The following DNAI2 variants were observed in gnomAD, a reference collection of about 807,000 sequenced individuals.
The protein encoded by DNAI2 is dynein, axonemal, intermediate polypeptide 2.
A neutral mutation model predicts 74.7 loss-of-function variants in DNAI2; 63 were observed. That is an observed-to-expected ratio of 0.84 (90% CI 0.69 to 1.04). The LOEUF is 1.04. Among genes scored for constraint, DNAI2 ranks in the 50% least tolerant of loss-of-function variants. The pLI is 0.00. For missense variants in DNAI2, 688 were observed against 803.2 expected (o/e 0.86, Z 1.73); for synonymous variants, 289 against 314.9 (o/e 0.92, Z 0.87).
rs1598342058 is a variant in DNAI2, at chr17:74,309,922, G to T, written c.1348-95G>T. ...GGCGTCCTGAGGATGTTTGAATAGG[G>T]CCAAGTGGCTGAGCCTCCCCAGGGG... On this transcript the variant is annotated intron_variant, in intron 10 of 13. Transcript: ENST00000311014. The T allele has an allele frequency of 3.9e-6, 6 of 1,541,072 alleles. No homozygotes were observed. The East Asian group carries it at 1.3e-4, about 35-fold the overall frequency.
chr17:74,301,776 C>T (rs1348848675), intron 8 of DNAI2, among the ~76,000 whole-genome samples: 1 of 145,074 alleles, frequency 6.9e-6, no homozygotes, highest in African/African-American at 2.6e-5. Flanking sequence ...TAATGAGACC[C>T]CCCCCACCGC....
rs769486647 is a variant in DNAI2 at position 74,285,234 on chromosome 17, C to A, written c.345+33C>A. 3.2e-5 allele frequency: 51 copies of A among 1,609,102 alleles called. 1 individual carries two copies. The highest frequency in any genetic ancestry group is 2.9e-4 in the Admixed American group (17 of 59,200). On this transcript the variant is annotated intron_variant, in intron 3 of 13. Transcript: ENST00000311014. Reference sequence around the variant, plus strand: ...TTCCTCCTGCCCCAGCTGCAAGAGCCCCATCCATCACTGCAGCTCCCCAAG... The same window carrying A: ...TTCCTCCTGCCCCAGCTGCAAGAGCACCATCCATCACTGCAGCTCCCCAAG...
intron 9 of DNAI2, among the ~76,000 whole-genome samples, chr17:74,307,841 A>G (rs2053277127): frequency 1.3e-5 from 2 of 151,818 alleles, no homozygotes; most frequent in South Asian, 4.2e-4. Context: ...TTTGTTGCCC[A>G]GGCTGGAGTG....
At chr17:74,285,593 A>T (rs538099077) in intron 3 of DNAI2, among the ~76,000 whole-genome samples, 2,116 of 43,750 alleles carry the variant, frequency 0.048, 19 homozygotes, top group Non-Finnish European at 0.11. Flanking sequence ...TTGCCAGTGC[A>T]AAAAAAAAAA....
intron 4 of DNAI2, among the ~76,000 whole-genome samples, chr17:74,287,537 C>T (rs1338966340): frequency 6.6e-6 from 1 of 152,104 alleles, no homozygotes; most frequent in Non-Finnish European, 1.5e-5. Context: ...TCACCGCAGG[C>T]GTGGATATTC....
Position 74,309,422 on chromosome 17 carries a change from C to G in DNAI2, c.1347+34C>G, listed in dbSNP as rs764446872. 4 of 1,613,768 alleles carry G rather than the reference C, an allele frequency of 2.5e-6. No homozygotes were observed. The African/African-American group carries it at 5.3e-5, about 22-fold the overall frequency. On this transcript the variant is annotated intron_variant, in intron 10 of 13. Coordinates refer to ENST00000311014, the MANE Select transcript of DNAI2 (RefSeq NM_023036.6). Reference sequence around the variant, plus strand: ...CATGTCCCTCCTTGTGCATCCAGGTCCTCAGGGAGCCAGGTCCCGGCGTGG... The same window carrying G: ...CATGTCCCTCCTTGTGCATCCAGGTGCTCAGGGAGCCAGGTCCCGGCGTGG...
At chr17:74,285,946 TACAC>T (rs140598637) in intron 3 of DNAI2, among the ~76,000 whole-genome samples, 4 of 138,010 alleles carry the variant, frequency 2.9e-5, no homozygotes, top group East Asian at 2.4e-4. Context: ...GAGTGCCATA[TACAC>T]ACACACACAT....
rs538447244 is a variant in DNAI2 at position 74,301,773 on chromosome 17, AC to A, written c.987+613del. On this transcript the variant is annotated intron_variant, in intron 8 of 13. Coordinates refer to ENST00000311014, the MANE Select transcript of DNAI2 (RefSeq NM_023036.6). The stretch of plus-strand genomic sequence containing the variant: ...AAGACCAGCCTGGGTACATAATGAG[AC>A]CCCCCCCACCGCCCGCCCAGTCTTT... Among the ~76,000 whole-genome samples, 67 of 139,442 alleles carry A rather than the reference AC, an allele frequency of 4.8e-4. 2 individuals carry two copies. The highest frequency in any genetic ancestry group is 3.3e-3 in the South Asian group (14 of 4,250). 91.5% of individuals were successfully genotyped at this position (139,442 alleles called of 152,430 possible). A position where few individuals can be genotyped will look rare whatever the true frequency, so the allele number is the denominator to read the frequency against.
intron 4 of DNAI2, among the ~76,000 whole-genome samples, chr17:74,287,847 C>T (rs1039303562): frequency 1.3e-4 from 19 of 151,836 alleles, no homozygotes; most frequent in Non-Finnish European, 2.9e-5. Flanking sequence ...CCCAGCTACT[C>T]GGGATGCTGA....
chr17:74,301,065 G>C lies in DNAI2; in HGVS notation c.884G>C (p.Arg295Pro). The C allele has an allele frequency of 6.2e-7, 1 of 1,614,012 alleles. No individual in the cohort carries two copies. The highest frequency in any genetic ancestry group is 1.6e-4 in the Middle Eastern group (1 of 6,062). Residue 295 changes from arginine to proline, a missense_variant, in exon 8 of 14, where the codon CGA becomes CCA. Coordinates refer to ENST00000311014, the MANE Select transcript of DNAI2 (RefSeq NM_023036.6). The stretch of plus-strand genomic sequence containing the variant: ...CACCAGGTCATGTGGTGGGACATCC[G>C]AAAGATGAGCGAGCCCACTGAAGTT... ...TDGQVMWWDI[R>P]KMSEPTEVVI...
intron 9 of DNAI2, among the ~76,000 whole-genome samples, chr17:74,308,618 C>A (rs1357780845): frequency 6.6e-6 from 1 of 152,138 alleles, no homozygotes; most frequent in Non-Finnish European, 1.5e-5. Flanking sequence ...ACCTCCTGGG[C>A]TCAAGCGATC....
chr17:74,309,818 G>C, intron 10 of DNAI2, 199 bp from the exon 11 acceptor site: 2 of 702,230 alleles, frequency 2.8e-6, no homozygotes, highest in Non-Finnish European at 4.9e-6. Flanking sequence ...GAACTGAAGG[G>C]GTGGGGCGGG....
At chr17:74,310,345 A>G (rs1399397279) in intron 11 of DNAI2, among the ~76,000 whole-genome samples, 182 bp downstream of exon 11, 3 of 139,924 alleles carry the variant, frequency 2.1e-5, no homozygotes, top group African/African-American at 8.1e-5. Context: ...GCCTTTGCTC[A>G]ACTGCTGGGT....
At chr17:74,284,921 C>G (rs980870566) in intron 2 of DNAI2, 119 bp from the exon 3 acceptor site, 1 of 1,315,326 alleles carries the variant, frequency 7.6e-7, no homozygotes, top group Admixed American at 1.7e-5. Context: ...ACTGTGGCTC[C>G]GGCCAGGGCG....
At chr17:74,308,346 A>G (rs190267488) in intron 9 of DNAI2, among the ~76,000 whole-genome samples, 2 of 152,280 alleles carry the variant, frequency 1.3e-5, no homozygotes, top group African/African-American at 4.8e-5. Context: ...GAAACCAAGT[A>G]GGAAGTGACA....
chr17:74,309,958 A>G, intron 10 of DNAI2, 59 bp from the exon 11 acceptor site: 2 of 1,567,044 alleles, frequency 1.3e-6, no homozygotes, highest in Non-Finnish European at 1.7e-6. Context: ...CCAGTTAATC[A>G]GACACACATA....
At chr17:74,278,784 A>G (rs1472934297) in intron 1 of DNAI2, among the ~76,000 whole-genome samples, 6 of 152,084 alleles carry the variant, frequency 3.9e-5, no homozygotes, top group African/African-American at 1.4e-4. Flanking sequence ...AAAAAAAAAG[A>G]AAGAAAAGAA....
Position 74,293,312 on chromosome 17 carries a change from T to G in DNAI2, c.724+2179T>G, listed in dbSNP as rs2052238975. Among the ~76,000 whole-genome samples, 4 of 152,352 alleles carry G rather than the reference T, an allele frequency of 2.6e-5. No individual in the cohort carries two copies. The South Asian group carries it at 8.3e-4, about 32-fold the overall frequency. Reference sequence around the variant, plus strand: ...CTCCTTCAATTTTGTCAGGTTTTGCTTCCTGTATGTTAAGGCTATGTTATT... The same window carrying G: ...CTCCTTCAATTTTGTCAGGTTTTGCGTCCTGTATGTTAAGGCTATGTTATT... On this transcript the variant is annotated intron_variant, in intron 6 of 13. Coordinates refer to ENST00000311014, the MANE Select transcript of DNAI2 (RefSeq NM_023036.6).
rs750660614 is a variant in DNAI2 at position 74,286,964 on chromosome 17, G to A, written c.346-13G>A. On this transcript the variant is annotated splice_polypyrimidine_tract_variant and intron_variant, in intron 3 of 13. Coordinates refer to ENST00000311014, the MANE Select transcript of DNAI2 (RefSeq NM_023036.6). ...CCATTTACTGCGGAGAACTTCCAAT[G>A]TGTCCCCCCTAGATCATGGAGCACT... 2.5e-6 allele frequency: 4 copies of A among 1,613,632 alleles called. No homozygotes were observed. Among genetic ancestry groups the A allele is most frequent in the African/African-American group, 1.3e-5 (1 of 74,916 alleles).
Sources: allele counts gnomAD v4.1 joint callset (sites outside exome capture counted in the v4.1 genomes callset), GRCh38; gene constraint gnomAD v4.1.1; transcripts MANE v1.5; gene names NCBI Gene and HGNC (gene_info 2026-07-23, HGNC 2026-07-21).